KLHL1: variants seen among roughly 807,000 people sequenced by gnomAD.
The protein encoded by KLHL1 is kelch like family member 1.
Under a neutral mutation model 77.7 loss-of-function variants are expected in KLHL1, and 47 were observed. The observed-to-expected ratio is 0.60, with a 90% CI of 0.48 to 0.77. The LOEUF (loss-of-function observed/expected upper bound fraction) is 0.77. Among genes scored for constraint, KLHL1 ranks in the 30% least tolerant of loss-of-function variants. The pLI, the probability that KLHL1 is intolerant of heterozygous loss-of-function variation, is 0.00. For synonymous variants in KLHL1, 360 were observed against 325.2 expected, an observed-to-expected ratio of 1.11 and a Z score of -1.15; for missense variants, 925 against 910.8, an observed-to-expected ratio of 1.02 and a Z score of -0.20.
At chr13:69,855,376 ATC>A (rs1288909300) in intron 5 of KLHL1, among the ~76,000 whole-genome samples, 6,076 of 150,298 alleles carry the variant, frequency 0.04, 201 homozygotes, top group African/African-American at 0.047. Context: ...AGAGAGATAG[ATC>A]TATAGATAGA....
chr13:69,787,084 C>T (rs1361987635), intron 7 of KLHL1, among the ~76,000 whole-genome samples: 4 of 152,120 alleles, frequency 2.6e-5, no homozygotes, highest in Non-Finnish European at 5.9e-5. Context: ...GCCATACTGC[C>T]CAAGGTAATT....
chr13:69,978,296 G>T (rs1343782091), intron 1 of KLHL1, among the ~76,000 whole-genome samples: 1 of 151,482 alleles, frequency 6.6e-6, no homozygotes, highest in African/African-American at 2.4e-5. Flanking sequence ...GACCAAAACT[G>T]CTCCAAAAGG....
rs201844007 is a variant in KLHL1, at chr13:70,075,762, T to C, written c.497+31441A>G. ...ATATATATACACACATACACACACATATATATATATACATATATATGTATA... is the reference window on the plus strand; with the variant it reads ...ATATATATACACACATACACACACACATATATATATACATATATATGTATA... On this transcript the variant is annotated intron_variant, in intron 1 of 10. Coordinates refer to ENST00000377844, the MANE Select transcript of KLHL1 (RefSeq NM_020866.3). Among the ~76,000 whole-genome samples, 330 of 142,514 alleles carry C rather than the reference T, an allele frequency of 2.3e-3. 3 individuals are homozygous for C. The highest frequency in any genetic ancestry group is 8.0e-3 in the African/African-American group (302 of 37,956). 93.5% of individuals were successfully genotyped at this position (142,514 alleles called of 152,430 possible). A position where few individuals can be genotyped will look rare whatever the true frequency, so the allele number is the denominator to read the frequency against.
chr13:70,075,682 T>C (rs1021265470), intron 1 of KLHL1, among the ~76,000 whole-genome samples: 2 of 140,780 alleles, frequency 1.4e-5, no homozygotes, highest in Non-Finnish European at 3.0e-5. Context: ...TATATATATA[T>C]ACACACACGT....
chr13:69,901,657 C>A (rs1488880494), intron 4 of KLHL1, among the ~76,000 whole-genome samples: 2 of 152,000 alleles, frequency 1.3e-5, no homozygotes. Flanking sequence ...TGAATGTTGA[C>A]CTAAATTTTG....
intron 6 of KLHL1, among the ~76,000 whole-genome samples, chr13:69,834,828 C>T (rs1463641703): frequency 6.6e-6 from 1 of 152,020 alleles, no homozygotes; most frequent in Non-Finnish European, 1.5e-5. Flanking sequence ...AGTTCTAAGG[C>T]ATGTATCAAT....
rs559629952 is a variant in KLHL1, at chr13:70,085,503, ATT to A, written c.497+21698_497+21699del. Among the ~76,000 whole-genome samples, 271 of 152,278 alleles carry A rather than the reference ATT, an allele frequency of 1.8e-3. 1 individual carries two copies. Among genetic ancestry groups the A allele is most frequent in the African/African-American group, 6.0e-3 (249 of 41,564 alleles). On this transcript the variant is annotated intron_variant, in intron 1 of 10. Coordinates refer to ENST00000377844, the MANE Select transcript of KLHL1 (RefSeq NM_020866.3). ...AGACAGTGCTTATTTTAAATGTTTA[ATT>A]TTTTTATATTTACATTGCTATTTTT...
intron 1 of KLHL1, among the ~76,000 whole-genome samples, chr13:70,008,344 A>C (rs1885453567): frequency 6.6e-6 from 1 of 152,022 alleles, no homozygotes; most frequent in African/African-American, 2.4e-5. Context: ...CTTGTGCCTC[A>C]TAGCTTGATT....
At chr13:70,086,691 T>C (rs910653002) in intron 1 of KLHL1, among the ~76,000 whole-genome samples, 6 of 148,646 alleles carry the variant, frequency 4.0e-5, no homozygotes, top group African/African-American at 1.2e-4. Flanking sequence ...TCACAGCTCA[T>C]GATTGCCCTT....
chr13:70,014,439 A>T (rs1209169720), intron 1 of KLHL1, among the ~76,000 whole-genome samples: 1 of 152,134 alleles, frequency 6.6e-6, no homozygotes, highest in Non-Finnish European at 1.5e-5. Flanking sequence ...CTTTTGGTGC[A>T]GTCCATAATA....
At chr13:69,981,514 A>G (rs765221317) in intron 1 of KLHL1, among the ~76,000 whole-genome samples, 2 of 152,076 alleles carry the variant, frequency 1.3e-5, no homozygotes, top group Non-Finnish European at 2.9e-5. Flanking sequence ...GAATGTAGTA[A>G]AAGATGACTT....
At chr13:69,852,124 G>A (rs1356487799) in intron 5 of KLHL1, among the ~76,000 whole-genome samples, 1 of 151,858 alleles carries the variant, frequency 6.6e-6, no homozygotes. Context: ...AGAGACAAGA[G>A]TAAGCACGCA....
chr13:69,956,897 C>T (rs1883905727), intron 3 of KLHL1, among the ~76,000 whole-genome samples: 1 of 151,520 alleles, frequency 6.6e-6, no homozygotes, highest in Non-Finnish European at 1.5e-5. Flanking sequence ...AGAAAACGTT[C>T]GTCTGTAAAA....
chr13:69,960,170 A>G (rs1241368126), intron 3 of KLHL1, among the ~76,000 whole-genome samples: 1 of 148,982 alleles, frequency 6.7e-6, no homozygotes, highest in African/African-American at 2.5e-5. Flanking sequence ...GTGTTAGCAA[A>G]TCCTTCTTCA....
rs139891015 is a variant in KLHL1, at chr13:70,098,046, CTCTG to C, written c.497+9153_497+9156del. 4.0e-5 allele frequency among the ~76,000 whole-genome samples: 6 copies of C among 151,862 alleles called. No homozygotes were observed. In the East Asian group the frequency reaches 1.2e-3, roughly 29 times the overall value. On this transcript the variant is annotated intron_variant, in intron 1 of 10. Coordinates refer to ENST00000377844, the MANE Select transcript of KLHL1 (RefSeq NM_020866.3). ...TGAAAATATTAAAGCCTAGATAAAG[CTCTG>C]TCTAATGGAGGCTTGTCACATGCTG...
chr13:69,885,265 T>C (rs17085597), intron 4 of KLHL1, among the ~76,000 whole-genome samples: 1,662 of 151,878 alleles, frequency 0.011, 40 homozygotes, highest in African/African-American at 0.038. Flanking sequence ...TCTCTGCATC[T>C]AACTTAAATA....
intron 6 of KLHL1, among the ~76,000 whole-genome samples, chr13:69,802,084 T>C (rs1877408866): frequency 6.6e-6 from 1 of 152,136 alleles, no homozygotes; most frequent in Non-Finnish European, 1.5e-5. Flanking sequence ...TTCTCACTGT[T>C]CAACTCCCAC....
At chr13:70,086,651 GACTT>G (rs1401484399) in intron 1 of KLHL1, among the ~76,000 whole-genome samples, 1 of 133,734 alleles carries the variant, frequency 7.5e-6, no homozygotes, top group Non-Finnish European at 1.6e-5. Context: ...AAGAAAACAA[GACTT>G]ATTTATTTTG....
chr13:69,933,590 T>C (rs1031776536), intron 4 of KLHL1, among the ~76,000 whole-genome samples: 1 of 152,164 alleles, frequency 6.6e-6, no homozygotes, highest in Admixed American at 6.6e-5. Flanking sequence ...AGCATGTTTT[T>C]ACTACTACCA....
Sources: gnomAD v4.1 joint callset for allele counts (sites outside exome capture counted in the v4.1 genomes callset) on GRCh38, gnomAD v4.1.1 for gene constraint, MANE v1.5 for transcripts, NCBI Gene and HGNC (gene_info 2026-07-23, HGNC 2026-07-21) for gene names.